Variants in FRAS1 observed in about 807,000 individuals in gnomAD.
FRAS1 encodes the protein extracellular matrix organizing protein FRAS1.
A neutral mutation model predicts 435.2 loss-of-function variants in FRAS1; 290 were observed. The ratio of observed to expected loss-of-function variants is 0.67; its 90% CI spans 0.61 to 0.73. FRAS1 has a LOEUF of 0.73. Among genes scored for constraint, FRAS1 ranks in the 30% least tolerant of loss-of-function variants. The probability of loss-of-function intolerance (pLI) is 0.00; values close to 1 mark genes in which losing one functional copy is unlikely to be tolerated. For synonymous variants in FRAS1, 1,800 were observed against 1,851.0 expected, an observed-to-expected ratio of 0.97 and a Z score of 0.71; for missense variants, 4,860 against 5,001.5, an observed-to-expected ratio of 0.97 and a Z score of 0.85.
chr4:78,533,587 G>A (rs961166360), intron 70 of FRAS1, among the ~76,000 whole-genome samples: 2 of 152,248 alleles, frequency 1.3e-5, no homozygotes, highest in South Asian at 2.1e-4. Flanking sequence ...TGGCTCATGC[G>A]TTGCATGATA....
In FRAS1 at chr4:78,104,737, A is replaced by G. The variant is rs977015758; in HGVS notation, c.108+38721A>G. ...TGAAATGCTTGTCTTCAAAGAACTT[A>G]CAGTCATCTTAGAAGAACTTTCAAC... On this transcript the variant is annotated intron_variant, in intron 2 of 73. Transcript: ENST00000512123. 2.0e-5 allele frequency among the ~76,000 whole-genome samples: 3 copies of G among 152,204 alleles called. No homozygotes were observed. In the South Asian group the frequency reaches 6.2e-4, roughly 32 times the overall value.
At chr4:78,194,338 G>C (rs1031330577) in intron 2 of FRAS1, among the ~76,000 whole-genome samples, 57 of 152,186 alleles carry the variant, frequency 3.7e-4, no homozygotes, top group African/African-American at 1.3e-3. Flanking sequence ...GATTGGGGAA[G>C]TTCTCCTGGC....
intron 14 of FRAS1, among the ~76,000 whole-genome samples, chr4:78,291,029 G>T (rs1383616360): frequency 6.6e-6 from 1 of 152,158 alleles, no homozygotes; most frequent in African/African-American, 2.4e-5. Flanking sequence ...GCCTCCCAAA[G>T]TGCTGGGATT....
chr4:78,336,732 C>A (rs1262546845), intron 19 of FRAS1, among the ~76,000 whole-genome samples: 1 of 152,168 alleles, frequency 6.6e-6, no homozygotes, highest in Non-Finnish European at 1.5e-5. Context: ...TTGCTTCCCA[C>A]CAGCCACGTG....
chr4:78,181,887 C>A, intron 2 of FRAS1: 1 of 1,611,510 alleles, frequency 6.2e-7, no homozygotes, highest in Non-Finnish European at 8.5e-7. Flanking sequence ...GCCTGAGCTG[C>A]GCTCTTGGCC....
At chr4:78,376,540 A>G (rs768975204) in intron 26 of FRAS1, among the ~76,000 whole-genome samples, 1 of 152,180 alleles carries the variant, frequency 6.6e-6, no homozygotes. Flanking sequence ...ATTTATATAA[A>G]TTTGTATAGC....
intron 30 of FRAS1, among the ~76,000 whole-genome samples, chr4:78,404,770 G>A (rs1025767710): frequency 6.6e-6 from 1 of 152,142 alleles, no homozygotes; most frequent in African/African-American, 2.4e-5. Flanking sequence ...CTCTGGATTT[G>A]TCAGTAGTCT....
chr4:78,463,742 A>G (rs980071379), intron 47 of FRAS1, among the ~76,000 whole-genome samples: 27 of 152,250 alleles, frequency 1.8e-4, no homozygotes, highest in African/African-American at 6.5e-4. Flanking sequence ...ACCTACATAC[A>G]TAAAACCCAA....
chr4:78,199,538 TAAAC>T (rs1455361959), intron 2 of FRAS1, among the ~76,000 whole-genome samples: 1 of 152,218 alleles, frequency 6.6e-6, no homozygotes, highest in Non-Finnish European at 1.5e-5. Context: ...AATTAGTAAT[TAAAC>T]AAATCAGTAA....
chr4:78,436,516 G>A (rs1179322103), intron 38 of FRAS1, among the ~76,000 whole-genome samples: 2 of 152,148 alleles, frequency 1.3e-5, no homozygotes, highest in African/African-American at 4.8e-5. Context: ...GTGCAAGAAT[G>A]TTCATAGCAC....
At chr4:78,508,124 C>T (rs1367292648) in intron 62 of FRAS1, among the ~76,000 whole-genome samples, 1 of 152,118 alleles carries the variant, frequency 6.6e-6, no homozygotes, top group African/African-American at 2.4e-5. Flanking sequence ...GAAGGTAGTA[C>T]CAGATTTCCT....
intron 25 of FRAS1, among the ~76,000 whole-genome samples, 184 bp downstream of exon 25, chr4:78,374,435 G>T (rs946829535): frequency 6.6e-6 from 1 of 152,198 alleles, no homozygotes; most frequent in East Asian, 1.9e-4. Context: ...TAGGATATAG[G>T]AGTGTAAGCC....
intron 2 of FRAS1, among the ~76,000 whole-genome samples, chr4:78,117,425 G>T (rs1157435368): frequency 6.6e-6 from 1 of 152,198 alleles, no homozygotes; most frequent in African/African-American, 2.4e-5. Flanking sequence ...CCTGCAGAGT[G>T]TTTTCCAACT....
At chr4:78,488,783 C>A (rs115847804) in intron 58 of FRAS1, 92 bp from the exon 59 acceptor site, 3 of 1,216,360 alleles carry the variant, frequency 2.5e-6, no homozygotes, top group Non-Finnish European at 2.3e-6. Flanking sequence ...AGCTCACCTG[C>A]CAAAATAGCT....
chr4:78,519,289 C>T, intron 66 of FRAS1, 42 bp from the exon 67 acceptor site: 1 of 1,451,284 alleles, frequency 6.9e-7, no homozygotes, highest in Non-Finnish European at 9.1e-7. Context: ...CTTTTCATCC[C>T]AGGGGAGAAA....
rs546541301 is a variant in FRAS1, at chr4:78,252,956, G to A, written c.469+405G>A. Among the ~76,000 whole-genome samples, 10 of 152,254 alleles carry A rather than the reference G, an allele frequency of 6.6e-5. 2 individuals carry two copies. Among genetic ancestry groups the A allele is most frequent in the South Asian group, 2.1e-4 (1 of 4,816 alleles). Reference sequence around the variant, plus strand: ...TGATAAACATCTTAACGGAAAACAGGGTTTGAGAGCAAAGAACTGGTCTGA... The same window carrying A: ...TGATAAACATCTTAACGGAAAACAGAGTTTGAGAGCAAAGAACTGGTCTGA... On this transcript the variant is annotated intron_variant, in intron 5 of 73. Transcript: ENST00000512123.
chr4:78,375,720 G>A lies in FRAS1; in HGVS notation c.3152-19G>A, dbSNP rs1731732165. 1 of 1,551,634 alleles carries A rather than the reference G, an allele frequency of 6.4e-7. No individual in the cohort carries two copies. The highest frequency in any genetic ancestry group is 1.4e-5 in the African/African-American group (1 of 72,722). On this transcript the variant is annotated intron_variant, in intron 25 of 73. Transcript: ENST00000512123. ...TGTTGCCTTGATTGAGCCTCATTTAGTGTTTCCTTTTTTAATAGCCTGCCC... is the reference window on the plus strand; with the variant it reads ...TGTTGCCTTGATTGAGCCTCATTTAATGTTTCCTTTTTTAATAGCCTGCCC...
At chr4:78,229,371 G>A (rs1244466422) in intron 2 of FRAS1, among the ~76,000 whole-genome samples, 2 of 151,744 alleles carry the variant, frequency 1.3e-5, no homozygotes, top group African/African-American at 4.8e-5. Context: ...GTGGAAGCAG[G>A]TGGAGCTTTG....
At chr4:78,289,740 A>G (rs1432328894) in intron 14 of FRAS1, among the ~76,000 whole-genome samples, 3 of 151,900 alleles carry the variant, frequency 2.0e-5, no homozygotes, top group Non-Finnish European at 4.4e-5. Context: ...GCTCTCACCC[A>G]TTTCCAGGAA....
Sources: allele counts gnomAD v4.1 joint callset (sites outside exome capture counted in the v4.1 genomes callset), GRCh38; gene constraint gnomAD v4.1.1; transcripts MANE v1.5; gene names NCBI Gene and HGNC (gene_info 2026-07-23, HGNC 2026-07-21).